The following SLC41A2 variants were observed in gnomAD, a reference collection of about 807,000 sequenced individuals.
The protein encoded by SLC41A2 is SLC41A1-like 1.
In SLC41A2, 32 loss-of-function variants were observed where a neutral mutation model predicts 58.3. The ratio of observed to expected loss-of-function variants is 0.55; its 90% CI spans 0.41 to 0.74. The LOEUF (loss-of-function observed/expected upper bound fraction) is 0.74, where lower values mean the gene tolerates loss of function less well. SLC41A2 is among the 30% of genes least tolerant of loss of function. The pLI is 0.00. For missense variants in SLC41A2, 514 were observed against 680.6 expected (o/e 0.76, Z 2.72); for synonymous variants, 190 against 235.0 (o/e 0.81, Z 1.75).
At chr12:104,842,637 G>T (rs992129084) in intron 10 of SLC41A2, among the ~76,000 whole-genome samples, 9 of 152,050 alleles carry the variant, frequency 5.9e-5, no homozygotes, top group African/African-American at 2.2e-4. Context: ...TACAGAGGGG[G>T]TAACTGAGAC....
chr12:104,887,040 G>A (rs4545639), intron 5 of SLC41A2, among the ~76,000 whole-genome samples: 4,686 of 151,960 alleles, frequency 0.031, 136 homozygotes, highest in East Asian at 0.15. Flanking sequence ...ACCTACGAGA[G>A]AATAGAAGAT....
intron 6 of SLC41A2, among the ~76,000 whole-genome samples, chr12:104,882,425 A>T (rs1178428521): frequency 6.6e-6 from 1 of 152,086 alleles, no homozygotes; most frequent in African/African-American, 2.4e-5. Context: ...GATGGTATTT[A>T]CAATTTGGCA....
intron 8 of SLC41A2, among the ~76,000 whole-genome samples, chr12:104,850,301 T>A (rs192426808): frequency 6.6e-6 from 1 of 152,298 alleles, no homozygotes; most frequent in East Asian, 1.9e-4. Context: ...TAATTTAGGA[T>A]GTGATGTTTA....
intron 4 of SLC41A2, among the ~76,000 whole-genome samples, chr12:104,890,839 T>C (rs1265123925): frequency 6.6e-6 from 1 of 152,174 alleles, no homozygotes; most frequent in East Asian, 1.9e-4. Context: ...TGAAGAAATC[T>C]GTGACAGGCG....
intron 10 of SLC41A2, among the ~76,000 whole-genome samples, chr12:104,838,586 G>T (rs917914383): frequency 2.0e-5 from 3 of 152,064 alleles, no homozygotes; most frequent in African/African-American, 4.8e-5. Context: ...TTTGCTAAAA[G>T]CAGTTTCATA....
chr12:104,951,860 T>C (rs1423840947), intron 1 of SLC41A2, among the ~76,000 whole-genome samples: 1 of 151,540 alleles, frequency 6.6e-6, no homozygotes, highest in African/African-American at 2.4e-5. Flanking sequence ...CTTTTGTCCT[T>C]AGCCATTTTT....
chr12:104,931,865 G>A (rs757939534), intron 1 of SLC41A2: 2 of 152,208 alleles, frequency 1.3e-5, no homozygotes, highest in Non-Finnish European at 2.9e-5. Flanking sequence ...ATACCATTTA[G>A]TTAAAACCCA....
rs1462738566 is a variant in SLC41A2 at position 104,803,654 on chromosome 12, T to G, written c.*1498A>C. On this transcript the variant is annotated 3_prime_UTR_variant, in exon 11 of 11. Transcript: ENST00000258538. ...TCTTGAGAGATTGAATTTTAAAAAA[T>G]GAACCACATGTACTTTAAAAATGGT... is the stretch of plus-strand genomic sequence containing the variant. 6.6e-6 allele frequency: 1 copy of G among 152,202 alleles called. No individual in the cohort carries two copies. 9.4% of individuals were successfully genotyped at this position (152,202 alleles called of 1,614,324 possible).
Position 104,958,277 on chromosome 12 carries a change from G to A in SLC41A2, c.-357C>T, listed in dbSNP as rs1177481755. 2.0e-5 allele frequency: 3 copies of A among 150,538 alleles called. No individual in the cohort carries two copies. Among genetic ancestry groups the A allele is most frequent in the African/African-American group, 4.9e-5 (2 of 41,192 alleles). 9.3% of individuals were successfully genotyped at this position (150,538 alleles called of 1,614,324 possible). ...CTCCCGCGCCTCCTCGCGCGGCTGC[G>A]GCCCCAAGCTGACAGCCCGGCCGTC... On this transcript the variant is annotated 5_prime_UTR_variant, in exon 1 of 11. Transcript: ENST00000258538.
At chr12:104,888,135 C>T (rs2044765306) in intron 5 of SLC41A2, among the ~76,000 whole-genome samples, 1 of 152,034 alleles carries the variant, frequency 6.6e-6, no homozygotes, top group South Asian at 2.1e-4. Flanking sequence ...AGCTTAACTT[C>T]ACTCTGCTTT....
chr12:104,821,639 A>C (rs2041642145), intron 10 of SLC41A2, among the ~76,000 whole-genome samples: 1 of 152,248 alleles, frequency 6.6e-6, no homozygotes, highest in East Asian at 1.9e-4. Context: ...AATTTTCTAA[A>C]ACTTAAAAAC....
At chr12:104,938,388 C>T (rs76737123) in intron 1 of SLC41A2, among the ~76,000 whole-genome samples, 2 of 152,236 alleles carry the variant, frequency 1.3e-5, no homozygotes, top group Non-Finnish European at 2.9e-5. Context: ...CGTTATTGGT[C>T]CCCTCCTACA....
chr12:104,866,968 C>T (rs1390658863), intron 6 of SLC41A2, among the ~76,000 whole-genome samples: 6 of 152,014 alleles, frequency 3.9e-5, no homozygotes, highest in Admixed American at 6.6e-5. Context: ...AAAATAGATA[C>T]TGTCATTTCT....
chr12:104,857,217 T>A (rs2043049866), intron 8 of SLC41A2, among the ~76,000 whole-genome samples: 1 of 152,176 alleles, frequency 6.6e-6, no homozygotes, highest in African/African-American at 2.4e-5. Context: ...AAAAAAGATA[T>A]AAGCTCTAAA....
At chr12:104,864,110 C>T (rs1454886563) in intron 7 of SLC41A2, among the ~76,000 whole-genome samples, 1 of 152,026 alleles carries the variant, frequency 6.6e-6, no homozygotes, top group Admixed American at 6.6e-5. Flanking sequence ...TAACAAAAGC[C>T]CAGTATTTCA....
chr12:104,871,423 T>G (rs969735733), intron 6 of SLC41A2, among the ~76,000 whole-genome samples: 4 of 152,200 alleles, frequency 2.6e-5, no homozygotes, highest in African/African-American at 9.6e-5. Flanking sequence ...TGTTTAAAGA[T>G]TACTATACGA....
intron 10 of SLC41A2, among the ~76,000 whole-genome samples, chr12:104,840,476 C>T (rs1411326181): frequency 1.3e-5 from 2 of 152,176 alleles, no homozygotes; most frequent in East Asian, 1.9e-4. Flanking sequence ...AAAGGTATAA[C>T]GGATCAAGAT....
chr12:104,886,261 A>T, intron 6 of SLC41A2, 32 bp downstream of exon 6: 1 of 1,604,430 alleles, frequency 6.2e-7, no homozygotes. Flanking sequence ...GACTTGAGAC[A>T]ACACACAATA....
At chr12:104,819,540 G>T (rs750354965) in intron 10 of SLC41A2, among the ~76,000 whole-genome samples, 1 of 152,172 alleles carries the variant, frequency 6.6e-6, no homozygotes, top group Non-Finnish European at 1.5e-5. Context: ...AGTCAAAGTT[G>T]ATCCTCTGAA....
Sources: allele counts gnomAD v4.1 joint callset (sites outside exome capture counted in the v4.1 genomes callset), GRCh38; gene constraint gnomAD v4.1.1; transcripts MANE v1.5; gene names NCBI Gene and HGNC (gene_info 2026-07-23, HGNC 2026-07-21).